TSHZ2: variants seen among roughly 807,000 people sequenced by gnomAD.
The protein encoded by TSHZ2 is teashirt homolog 2.
Under a neutral mutation model 74.4 loss-of-function variants are expected in TSHZ2, and 21 were observed. The observed-to-expected ratio is 0.28, with a 90% confidence interval of 0.20 to 0.41. The LOEUF (loss-of-function observed/expected upper bound fraction) is 0.41, where lower values mean the gene tolerates loss of function less well. Among genes scored for constraint, TSHZ2 ranks in the 10% least tolerant of loss-of-function variants. The pLI is 1.00. For missense variants in TSHZ2, 1,244 were observed against 1,293.5 expected (o/e 0.96, Z 0.59); for synonymous variants, 540 against 515.3 (o/e 1.05, Z -0.65).
chr20:53,375,192 A>C (rs1242315798), intron 2 of TSHZ2, among the ~76,000 whole-genome samples: 2 of 152,222 alleles, frequency 1.3e-5, no homozygotes, highest in African/African-American at 4.8e-5. Flanking sequence ...AATAATAATA[A>C]AATTGATTCT....
intron 2 of TSHZ2, among the ~76,000 whole-genome samples, chr20:53,432,272 A>G (rs1983872495): frequency 6.6e-6 from 1 of 152,156 alleles, no homozygotes; most frequent in African/African-American, 2.4e-5. Flanking sequence ...AATGGCCTCC[A>G]GTTCTGTCTA....
chr20:52,983,550 T>G (rs564616303), intron 1 of TSHZ2, among the ~76,000 whole-genome samples: 1 of 152,358 alleles, frequency 6.6e-6, no homozygotes, highest in South Asian at 2.1e-4. Flanking sequence ...TACTTTCAAG[T>G]ATAAGGATCT....
intron 1 of TSHZ2, among the ~76,000 whole-genome samples, chr20:53,152,340 A>G (rs980942319): frequency 1.3e-5 from 2 of 152,162 alleles, no homozygotes; most frequent in Non-Finnish European, 2.9e-5. Flanking sequence ...CCAAATTCTG[A>G]CCCTGACCCT....
At chr20:53,075,247 T>C (rs1263405387) in intron 1 of TSHZ2, among the ~76,000 whole-genome samples, 1 of 152,342 alleles carries the variant, frequency 6.6e-6, no homozygotes, top group East Asian at 1.9e-4. Context: ...TCTCAGACTT[T>C]TTCATTATTG....
intron 1 of TSHZ2, among the ~76,000 whole-genome samples, chr20:53,192,578 A>AAAC (rs1555834691): frequency 0.038 from 5,648 of 150,396 alleles, 274 homozygotes; most frequent in East Asian, 0.24. Context: ...AAAAAAAAAA[A>AAAC]CCCACAACAA....
intron 1 of TSHZ2, among the ~76,000 whole-genome samples, chr20:53,100,875 C>T (rs1008103959): frequency 2.0e-5 from 3 of 152,182 alleles, no homozygotes; most frequent in African/African-American, 4.8e-5. Flanking sequence ...CAACTCCCCT[C>T]GCCAGAGGCA....
intron 1 of TSHZ2, among the ~76,000 whole-genome samples, chr20:53,063,366 A>G (rs1984879463): frequency 6.6e-6 from 1 of 152,232 alleles, no homozygotes; most frequent in Admixed American, 6.5e-5. Flanking sequence ...TACTTTGCCT[A>G]TATATTACAT....
At chr20:53,105,577 A>G (rs551904349) in intron 1 of TSHZ2, among the ~76,000 whole-genome samples, 2 of 152,242 alleles carry the variant, frequency 1.3e-5, no homozygotes, top group Admixed American at 6.5e-5. Context: ...ACCTCCACTT[A>G]TCATTCACTG....
chr20:53,065,446 T>A (rs1452674780), intron 1 of TSHZ2, among the ~76,000 whole-genome samples: 1 of 152,170 alleles, frequency 6.6e-6, no homozygotes, highest in Non-Finnish European at 1.5e-5. Flanking sequence ...TGAAAGGTTG[T>A]ACAAGTAGAA....
At chr20:53,011,797 C>G (rs954075629) in intron 1 of TSHZ2, among the ~76,000 whole-genome samples, 1 of 152,202 alleles carries the variant, frequency 6.6e-6, no homozygotes, top group African/African-American at 2.4e-5. Context: ...AACCCCACAG[C>G]TGCCTTTGGA....
At chr20:53,236,561 G>A (rs747739835) in intron 1 of TSHZ2, among the ~76,000 whole-genome samples, 4 of 152,214 alleles carry the variant, frequency 2.6e-5, no homozygotes, top group African/African-American at 4.8e-5. Context: ...GTACACAGCT[G>A]TGAGAGGGCA....
chr20:53,433,444 TGG>T (rs1251446206), intron 2 of TSHZ2, among the ~76,000 whole-genome samples: 4 of 11,524 alleles, frequency 3.5e-4, no homozygotes, highest in African/African-American at 3.5e-3. Flanking sequence ...AGGCTGAGGC[TGG>T]TGGAGGATCG....
At chr20:53,027,586 G>A (rs755649914) in intron 1 of TSHZ2, among the ~76,000 whole-genome samples, 1 of 152,070 alleles carries the variant, frequency 6.6e-6, no homozygotes, top group African/African-American at 2.4e-5. Context: ...TGCGTTCAAG[G>A]TACCAACAAA....
chr20:53,042,701 GAA>G (rs5841925), intron 1 of TSHZ2, among the ~76,000 whole-genome samples: 9,415 of 128,494 alleles, frequency 0.073, 308 homozygotes, highest in East Asian at 0.11. Flanking sequence ...AAGTAGAGAA[GAA>G]AAAAAAAAAA....
chr20:53,218,616 A>G (rs981673592), intron 1 of TSHZ2, among the ~76,000 whole-genome samples: 4 of 151,894 alleles, frequency 2.6e-5, no homozygotes, highest in African/African-American at 9.7e-5. Flanking sequence ...TCACTCAGCA[A>G]CTCTCCCCAA....
intron 1 of TSHZ2, among the ~76,000 whole-genome samples, chr20:53,057,132 A>G (rs1432371340): frequency 4.6e-5 from 7 of 152,186 alleles, no homozygotes; most frequent in African/African-American, 1.7e-4. Context: ...CTCCTCCTTC[A>G]CCTTCCACCA....
chr20:53,014,229 C>T (rs2256169), intron 1 of TSHZ2, among the ~76,000 whole-genome samples: 58,949 of 151,274 alleles, frequency 0.39, 12,069 homozygotes, highest in Non-Finnish European at 0.47. Flanking sequence ...GAGAAGAGAG[C>T]GAGTGCACAT....
At chr20:53,096,845 G>T (rs971918684) in intron 1 of TSHZ2, among the ~76,000 whole-genome samples, 2 of 151,244 alleles carry the variant, frequency 1.3e-5, no homozygotes, top group South Asian at 4.2e-4. Context: ...TCCTGCCACT[G>T]CACTCCAGCC....
chr20:52,987,921 G>T (rs1443759792), intron 1 of TSHZ2, among the ~76,000 whole-genome samples: 1 of 152,142 alleles, frequency 6.6e-6, no homozygotes, highest in Non-Finnish European at 1.5e-5. Flanking sequence ...TCTATAGAAT[G>T]AGGGCAGAAA....
Sources: allele counts gnomAD v4.1 joint callset (sites outside exome capture counted in the v4.1 genomes callset), GRCh38; gene constraint gnomAD v4.1.1; transcripts MANE v1.5; gene names NCBI Gene and HGNC (gene_info 2026-07-23, HGNC 2026-07-21).